Variants in BMPR1B observed in about 807,000 individuals in gnomAD.
BMPR1B encodes bone morphogenetic protein receptor type 1B.
In BMPR1B, 12 loss-of-function variants were observed where a neutral mutation model predicts 59.1. The observed-to-expected ratio is 0.20, with a 90% CI of 0.13 to 0.33. BMPR1B has a LOEUF of 0.33. Among genes scored for constraint, BMPR1B ranks in the 10% least tolerant of loss-of-function variants. The pLI is 1.00. For missense variants in BMPR1B, 550 were observed against 610.9 expected (o/e 0.90, Z 1.05); for synonymous variants, 237 against 207.3 (o/e 1.14, Z -1.23).
chr4:94,869,639 A>G (rs974360220), intron 1 of BMPR1B, among the ~76,000 whole-genome samples: 7 of 152,200 alleles, frequency 4.6e-5, no homozygotes, highest in African/African-American at 1.4e-4. Flanking sequence ...CAAAAGGCCT[A>G]CTTGAATTTG....
intron 1 of BMPR1B, among the ~76,000 whole-genome samples, chr4:94,814,049 A>G (rs946806696): frequency 1.3e-5 from 2 of 152,150 alleles, no homozygotes; most frequent in Non-Finnish European, 2.9e-5. Flanking sequence ...ATCAGGGGAG[A>G]TGTTTGAATA....
chr4:94,899,728 A>T (rs1472607420), intron 2 of BMPR1B, among the ~76,000 whole-genome samples: 2 of 151,998 alleles, frequency 1.3e-5, no homozygotes, highest in Non-Finnish European at 2.9e-5. Flanking sequence ...ATTCAAATTC[A>T]TGAAAATTTG....
At chr4:94,832,012 A>G (rs898963656) in intron 1 of BMPR1B, among the ~76,000 whole-genome samples, 1 of 152,196 alleles carries the variant, frequency 6.6e-6, no homozygotes, top group African/African-American at 2.4e-5. Flanking sequence ...CACTGATTCT[A>G]CATCATGGTG....
At position 95,075,885 on chromosome 4, in the gene BMPR1B, C is replaced by T. The variant is rs565672060; in HGVS notation, c.-17-28523C>T. On this transcript the variant is annotated intron_variant, in intron 3 of 12. Transcript: ENST00000515059. ...CCTTCCATCCAGCCACTCTCACAAGCCTGATGTCCATTCTTTTTTTTTCTA... is the reference window on the plus strand; with the variant it reads ...CCTTCCATCCAGCCACTCTCACAAGTCTGATGTCCATTCTTTTTTTTTCTA... 2.6e-5 allele frequency among the ~76,000 whole-genome samples: 4 copies of T among 152,234 alleles called. No homozygotes were observed. In the East Asian group the frequency reaches 5.8e-4, roughly 22 times the overall value.
intron 3 of BMPR1B, chr4:95,051,657 G>A (rs1726509952): frequency 2.0e-6 from 3 of 1,525,194 alleles, no homozygotes; most frequent in Non-Finnish European, 2.6e-6. Context: ...CAAGAAACAG[G>A]AGGCTTAAAC....
chr4:95,002,287 C>T (rs1722501491), intron 3 of BMPR1B, among the ~76,000 whole-genome samples: 1 of 152,170 alleles, frequency 6.6e-6, no homozygotes, highest in African/African-American at 2.4e-5. Flanking sequence ...CTTCCAGCTG[C>T]ATCTAAGTTG....
intron 2 of BMPR1B, among the ~76,000 whole-genome samples, chr4:94,901,746 C>G (rs2149000611): frequency 6.6e-6 from 1 of 152,056 alleles, no homozygotes; most frequent in South Asian, 2.1e-4. Context: ...TTTTCTTTCT[C>G]TTGGGAAAGC....
intron 3 of BMPR1B, among the ~76,000 whole-genome samples, chr4:95,020,939 C>G (rs1390733157): frequency 6.6e-6 from 1 of 152,124 alleles, no homozygotes; most frequent in African/African-American, 2.4e-5. Context: ...TGATCTCAAA[C>G]TCCTGGCCTC....
At chr4:94,877,173 A>T (rs1163498245) in intron 2 of BMPR1B, among the ~76,000 whole-genome samples, 1 of 152,212 alleles carries the variant, frequency 6.6e-6, no homozygotes, top group Non-Finnish European at 1.5e-5. Flanking sequence ...TCAGAATCAT[A>T]GAATTTTCTT....
chr4:94,766,840 T>C (rs1383362657), intron 1 of BMPR1B, among the ~76,000 whole-genome samples: 1 of 152,172 alleles, frequency 6.6e-6, no homozygotes, highest in Non-Finnish European at 1.5e-5. Context: ...ATGCAGTGAT[T>C]TCTGGCCTTC....
chr4:94,975,363 G>GTTTTT lies in BMPR1B; in HGVS notation c.-112-20663_-112-20659dup, dbSNP rs763655134. Among the ~76,000 whole-genome samples the GTTTTT allele has an allele frequency of 9.6e-3, 1,074 of 111,586 alleles. 50 individuals carry two copies. Among genetic ancestry groups the GTTTTT allele is most frequent in the East Asian group, 0.021 (65 of 3,100 alleles). The allele number at this position is 111,586 out of a possible 152,430, so 73.2% of individuals were successfully genotyped here. On this transcript the variant is annotated intron_variant, in intron 2 of 12. Transcript: ENST00000515059. Reference sequence around the variant, plus strand: ...AAAATCTTAATTTCCTTTTGTTTTTGTTTTTTTTTTTTTTTTTTGAGACGG... The same window carrying GTTTTT: ...AAAATCTTAATTTCCTTTTGTTTTTGTTTTTTTTTTTTTTTTTTTTTTTGAGACGG...
intron 2 of BMPR1B, among the ~76,000 whole-genome samples, chr4:94,905,361 A>G (rs1316852887): frequency 1.3e-5 from 2 of 152,082 alleles, no homozygotes; most frequent in Non-Finnish European, 2.9e-5. Context: ...AGTGAAGACA[A>G]CTGATTACTA....
intron 3 of BMPR1B, among the ~76,000 whole-genome samples, chr4:95,072,043 A>G (rs969566554): frequency 2.0e-5 from 3 of 152,104 alleles, no homozygotes; most frequent in Non-Finnish European, 4.4e-5. Flanking sequence ...AGGAAATTGG[A>G]TGGCATGGTT....
chr4:94,991,169 T>C (rs2149098028), intron 2 of BMPR1B, among the ~76,000 whole-genome samples: 1 of 152,278 alleles, frequency 6.6e-6, no homozygotes, highest in East Asian at 1.9e-4. Context: ...TCAGCCCTTT[T>C]TCATTCTCCT....
At chr4:95,003,801 CTTTTTTTTT>C (rs5860385) in intron 3 of BMPR1B, among the ~76,000 whole-genome samples, 6 of 84,560 alleles carry the variant, frequency 7.1e-5, no homozygotes, top group East Asian at 8.2e-4. Context: ...CAAAGTCCAT[CTTTTTTTTT>C]TTTTTTTTTT....
intron 3 of BMPR1B, among the ~76,000 whole-genome samples, chr4:95,062,606 A>G (rs2149206962): frequency 6.6e-6 from 1 of 152,288 alleles, no homozygotes; most frequent in East Asian, 1.9e-4. Flanking sequence ...ATGACTGCAA[A>G]TAAGAAACGT....
At chr4:95,124,363 T>C (rs191799064) in intron 7 of BMPR1B, among the ~76,000 whole-genome samples, 22 of 152,218 alleles carry the variant, frequency 1.4e-4, no homozygotes, top group Admixed American at 2.6e-4. Context: ...ATTTTTTTAA[T>C]GGCCTATGAA....
chr4:95,083,381 A>G (rs1317677920), intron 3 of BMPR1B, among the ~76,000 whole-genome samples: 3 of 152,174 alleles, frequency 2.0e-5, no homozygotes, highest in Non-Finnish European at 4.4e-5. Context: ...GTAAATAACT[A>G]TAATCTATGG....
chr4:95,115,625 G>C, intron 5 of BMPR1B, 60 bp from the exon 6 acceptor site: 1 of 1,411,634 alleles, frequency 7.1e-7, no homozygotes, highest in South Asian at 1.2e-5. Flanking sequence ...TAAAGTTTTA[G>C]ATGATTTGAC....
Sources: allele counts gnomAD v4.1 joint callset (sites outside exome capture counted in the v4.1 genomes callset), GRCh38; gene constraint gnomAD v4.1.1; transcripts MANE v1.5; gene names NCBI Gene and HGNC (gene_info 2026-07-23, HGNC 2026-07-21).